NXPE4: variants seen among roughly 807,000 people sequenced by gnomAD.
The protein encoded by NXPE4 is NXPE family member 4.
In NXPE4, 42 loss-of-function variants were observed where a neutral mutation model predicts 33.3. The observed-to-expected ratio is 1.26, with a 90% confidence interval of 0.98 to 1.63. The LOEUF is 1.63. Ranked by LOEUF, NXPE4 falls within the 40% of genes most tolerant of loss-of-function variation. NXPE4 has a pLI of 0.00. For missense variants in NXPE4, 709 were observed against 647.6 expected (o/e 1.09, Z -1.03); for synonymous variants, 253 against 234.9 (o/e 1.08, Z -0.71).
upstream of NXPE4, among the ~76,000 whole-genome samples, chr11:114,596,258 A>G (rs566115937): frequency 3.0e-4 from 46 of 152,344 alleles, no homozygotes; most frequent in African/African-American, 1.1e-3. Flanking sequence ...TAACAGAGTG[A>G]CAGCTTGTAG....
the NXPE4 span, among the ~76,000 whole-genome samples, chr11:114,653,136 G>C: frequency 6.6e-6 from 1 of 152,100 alleles, no homozygotes; most frequent in East Asian, 1.9e-4. Flanking sequence ...TAACAATACT[G>C]ACTTGTTTTA....
intron 2 of NXPE4, 100 bp from the exon 3 acceptor site, chr11:114,583,121 A>T (rs1379805285): frequency 1.6e-6 from 2 of 1,271,456 alleles, no homozygotes; most frequent in Admixed American, 2.3e-5. Flanking sequence ...ACATGTTCCT[A>T]GTCATTTTTA....
At chr11:114,601,313 A>G in the NXPE4 span, among the ~76,000 whole-genome samples, 4 of 149,624 alleles carry the variant, frequency 2.7e-5, no homozygotes, top group Admixed American at 6.9e-5. Context: ...CTCATAGCTT[A>G]AATCCCACTT....
chr11:114,649,680 G>A, the NXPE4 span, among the ~76,000 whole-genome samples: 2 of 152,188 alleles, frequency 1.3e-5, no homozygotes, highest in African/African-American at 4.8e-5. Flanking sequence ...GACTGGAGGC[G>A]GGGGTAACAG....
the NXPE4 span, among the ~76,000 whole-genome samples, chr11:114,639,266 C>T: frequency 9.9e-5 from 15 of 151,316 alleles, no homozygotes; most frequent in South Asian, 4.2e-4. Context: ...TAGGACCCTC[C>T]GAGCCAGGTG....
At chr11:114,602,529 A>G in the NXPE4 span, among the ~76,000 whole-genome samples, 10 of 138,610 alleles carry the variant, frequency 7.2e-5, no homozygotes, top group African/African-American at 2.3e-4. Context: ...ACCACATATG[A>G]TAATTATCTC....
chr11:114,619,417 CTCG>C, the NXPE4 span, among the ~76,000 whole-genome samples: 1 of 151,610 alleles, frequency 6.6e-6, no homozygotes, highest in Non-Finnish European at 1.5e-5. Flanking sequence ...TAAGTGTTGC[CTCG>C]TGGGTAACCA....
chr11:114,623,832 C>G, the NXPE4 span, among the ~76,000 whole-genome samples: 4 of 152,094 alleles, frequency 2.6e-5, no homozygotes, highest in Non-Finnish European at 5.9e-5. Flanking sequence ...ACCACTGTTA[C>G]CTGGTGGATA....
chr11:114,580,149 A>G lies in NXPE4; in HGVS notation c.1082T>C (p.Phe361Ser). The change falls in exon 5 of 6, where the codon TTC becomes TCC. Residue 361 changes from phenylalanine (F) to serine (S), a missense_variant. Coordinates refer to ENST00000375478, the MANE Select transcript of NXPE4 (RefSeq NM_001077639.2). ...AGGCATACTGTTGATACTGGCTTTG[A>G]AGTATTCCATCCACTGGCGGATCGT... ...DSTIRQWMEY[F>S]KASINTLKSV... is the part of the protein sequence containing the mutation. The G allele has an allele frequency of 1.2e-6, 2 of 1,613,684 alleles. No individual in the cohort carries two copies. The highest frequency in any genetic ancestry group is 1.7e-6 in the Non-Finnish European group (2 of 1,179,580).
chr11:114,583,043 C>A, intron 2 of NXPE4, 22 bp from the exon 3 acceptor site: 1 of 1,585,260 alleles, frequency 6.3e-7, no homozygotes, highest in South Asian at 1.1e-5. Flanking sequence ...GCAAATGTGA[C>A]ATGAGATGGA....
At chr11:114,589,799 A>G (rs1949400620) in intron 2 of NXPE4, among the ~76,000 whole-genome samples, 1 of 152,176 alleles carries the variant, frequency 6.6e-6, no homozygotes, top group Admixed American at 6.5e-5. Context: ...CTGAAGATGC[A>G]GGGCCTCCTT....
rs779497222 is a variant in NXPE4 at position 114,571,458 on chromosome 11, T to A, written c.1115A>T (p.Asp372Val). 3 of 1,606,964 alleles carry A rather than the reference T, an allele frequency of 1.9e-6. No homozygotes were observed. The South Asian group carries it at 3.3e-5, about 18-fold the overall frequency. The change falls in exon 6 of 6, where the codon GAT becomes GTT. Residue 372 changes from aspartate to valine, a missense_variant. Physicochemically the swap from Asp to Val is radical, Grantham distance 152 (BLOSUM62 -3). Coordinates refer to ENST00000375478, the MANE Select transcript of NXPE4 (RefSeq NM_001077639.2). ...KASINTLKSV[D>V]LHESGKLQHQ... The stretch of plus-strand genomic sequence containing the variant: ...TTGCAATTTTCCAGATTCATGCAGA[T>A]CCACTGACTTCAGTGCTGATAACAA...
chr11:114,636,049 C>T, the NXPE4 span, among the ~76,000 whole-genome samples: 1 of 151,624 alleles, frequency 6.6e-6, no homozygotes, highest in Admixed American at 6.6e-5. Flanking sequence ...GGTACCAGTT[C>T]CTCCTTGTAC....
the NXPE4 span, among the ~76,000 whole-genome samples, chr11:114,627,935 A>T: frequency 7.2e-5 from 11 of 152,092 alleles, no homozygotes; most frequent in African/African-American, 2.7e-4. Context: ...GCCATTATTT[A>T]ATGGTAAAGG....
Position 114,581,705 on chromosome 11 carries a change from C to G in NXPE4, c.892+20G>C, listed in dbSNP as rs1249156746. Reference sequence around the variant, plus strand: ...TGGGTCTAGAACTAGGCACCACCCACCAAACACAGGAGTACTTACTGTTGC... The same window carrying G: ...TGGGTCTAGAACTAGGCACCACCCAGCAAACACAGGAGTACTTACTGTTGC... On this transcript the variant is annotated intron_variant, in intron 4 of 5. Coordinates refer to ENST00000375478, the MANE Select transcript of NXPE4 (RefSeq NM_001077639.2). 1 of 1,600,584 alleles carries G rather than the reference C, an allele frequency of 6.2e-7. No homozygotes were observed. Among genetic ancestry groups the G allele is most frequent in the Admixed American group, 1.7e-5 (1 of 59,520 alleles).
chr11:114,649,738 G>A, the NXPE4 span, among the ~76,000 whole-genome samples: 2 of 152,270 alleles, frequency 1.3e-5, no homozygotes, highest in South Asian at 2.1e-4. Context: ...GTGGGGTGAT[G>A]AATCCAATTG....
the NXPE4 span, among the ~76,000 whole-genome samples, chr11:114,605,607 C>G: frequency 6.6e-6 from 1 of 151,722 alleles, no homozygotes; most frequent in Non-Finnish European, 1.5e-5. Flanking sequence ...ACCACTGTTA[C>G]CCGGTGGATA....
At chr11:114,586,243 C>T (rs997188087) in intron 2 of NXPE4, among the ~76,000 whole-genome samples, 3 of 152,220 alleles carry the variant, frequency 2.0e-5, no homozygotes, top group Non-Finnish European at 2.9e-5. Flanking sequence ...TAAACCTCTG[C>T]TCTTAAACTC....
upstream of NXPE4, among the ~76,000 whole-genome samples, chr11:114,598,052 G>T (rs1181012156): frequency 6.6e-6 from 1 of 152,062 alleles, no homozygotes; most frequent in Non-Finnish European, 1.5e-5. Flanking sequence ...TTACTTCCAA[G>T]ATACAATGGG....
Sources: allele counts gnomAD v4.1 joint callset (sites outside exome capture counted in the v4.1 genomes callset), GRCh38; gene constraint gnomAD v4.1.1; transcripts MANE v1.5; gene names NCBI Gene and HGNC (gene_info 2026-07-23, HGNC 2026-07-21).